The following GATAD2A variants were observed in gnomAD, a reference collection of about 807,000 sequenced individuals.
GATAD2A encodes transcriptional repressor p66-alpha.
Under a neutral mutation model 68.5 loss-of-function variants are expected in GATAD2A, and 12 were observed. That is an observed-to-expected ratio of 0.18 (90% CI 0.11 to 0.28). The LOEUF (loss-of-function observed/expected upper bound fraction) is 0.28. Among genes scored for constraint, GATAD2A ranks in the 10% least tolerant of loss-of-function variants. The probability of loss-of-function intolerance (pLI) is 1.00; values close to 1 mark genes in which losing one functional copy is unlikely to be tolerated. For missense variants in GATAD2A, 755 were observed against 868.5 expected, an observed-to-expected ratio of 0.87 and a Z score of 1.64; for synonymous variants, 410 against 375.3, an observed-to-expected ratio of 1.09 and a Z score of -1.07.
chr19:19,401,068 A>T (rs1423476206), upstream of GATAD2A, among the ~76,000 whole-genome samples: 1 of 145,584 alleles, frequency 6.9e-6, no homozygotes, highest in African/African-American at 2.6e-5. Flanking sequence ...TGACGCCAGA[A>T]GGTGGAGGTT....
intron 2 of GATAD2A, among the ~76,000 whole-genome samples, chr19:19,491,913 C>T (rs1435838876): frequency 3.3e-5 from 5 of 152,226 alleles, no homozygotes; most frequent in African/African-American, 7.2e-5. Flanking sequence ...CATGCTCAAG[C>T]CCCCACAATG....
intron 1 of GATAD2A, among the ~76,000 whole-genome samples, chr19:19,420,265 C>T (rs1248149381): frequency 6.7e-4 from 99 of 146,914 alleles, no homozygotes; most frequent in Non-Finnish European, 1.1e-3. Context: ...TCAGGTGATC[C>T]GCCCGCCTCG....
chr19:19,500,624 G>T (rs1310499733), intron 8 of GATAD2A, among the ~76,000 whole-genome samples: 1 of 152,210 alleles, frequency 6.6e-6, no homozygotes, highest in East Asian at 1.9e-4. Context: ...TGTGCAGTGG[G>T]TGCAGCCCAA....
chr19:19,400,427 A>C (rs1376351477), intron 1 of GATAD2A, among the ~76,000 whole-genome samples: 1 of 152,144 alleles, frequency 6.6e-6, no homozygotes, highest in East Asian at 1.9e-4. Context: ...TTTTTCAGGG[A>C]GCTTTTCAGC....
At chr19:19,394,157 G>A (rs2059323929) in intron 1 of GATAD2A, among the ~76,000 whole-genome samples, 1 of 152,008 alleles carries the variant, frequency 6.6e-6, no homozygotes. Context: ...CAAAGTGCTG[G>A]GATTACAGGT....
intron 1 of GATAD2A, among the ~76,000 whole-genome samples, chr19:19,454,134 A>G (rs2056688942): frequency 6.6e-6 from 1 of 151,746 alleles, no homozygotes; most frequent in African/African-American, 2.4e-5. Flanking sequence ...AGTAGCCGGG[A>G]GTATAGGTAT....
chr19:19,445,335 A>G (rs1261456623), intron 1 of GATAD2A, among the ~76,000 whole-genome samples: 2 of 152,198 alleles, frequency 1.3e-5, no homozygotes, highest in Non-Finnish European at 2.9e-5. Flanking sequence ...TAGTAGCTCT[A>G]GAGGGGTTCA....
chr19:19,469,129 A>G (rs1163752544), intron 2 of GATAD2A, among the ~76,000 whole-genome samples: 1 of 152,150 alleles, frequency 6.6e-6, no homozygotes, highest in Non-Finnish European at 1.5e-5. Context: ...ACTTTAAAAT[A>G]TAGTTTTTTA....
chr19:19,421,313 A>C (rs543990566), intron 1 of GATAD2A, among the ~76,000 whole-genome samples: 66 of 152,282 alleles, frequency 4.3e-4, no homozygotes, highest in Non-Finnish European at 2.4e-4. Flanking sequence ...AGTGAAAGCC[A>C]GTTGAATGGA....
At chr19:19,440,501 G>A in intron 1 of GATAD2A, 1 of 219,674 alleles carries the variant, frequency 4.6e-6, no homozygotes, top group Non-Finnish European at 9.4e-6. Flanking sequence ...CTCGTGGTCT[G>A]CCCACCTTGG....
chr19:19,460,684 T>A (rs2057351297), intron 1 of GATAD2A, among the ~76,000 whole-genome samples: 1 of 152,078 alleles, frequency 6.6e-6, no homozygotes. Context: ...ACTGGTCCAG[T>A]TGCTCAGGCA....
At chr19:19,498,790 T>C in intron 8 of GATAD2A, 68 bp downstream of exon 8, 1 of 1,371,642 alleles carries the variant, frequency 7.3e-7, no homozygotes, top group Non-Finnish European at 1.0e-6. Context: ...CCGTGGGTTC[T>C]TTCCAACACA....
Position 19,498,611 on chromosome 19 carries a change from C to A in GATAD2A, c.1093C>A (p.Pro365Thr). The change falls in exon 8 of 12, where the codon CCA becomes ACA. Residue 365 changes from proline (P) to threonine (T), a missense_variant. Physicochemically the swap from Pro to Thr is conservative, Grantham distance 38. Coordinates refer to ENST00000683918, the MANE Select transcript of GATAD2A (RefSeq NM_001384528.1). ...GGAGAAGACGCTACTCGAGATCCCCCCACCCAAGCCCCCAGCCCCAGAGAT... is the reference window on the plus strand; with the variant it reads ...GGAGAAGACGCTACTCGAGATCCCCACACCCAAGCCCCCAGCCCCAGAGAT... ...QLEKTLLEIP[P>T]PKPPAPEMNF... is the part of the protein sequence containing the mutation. 1.2e-6 allele frequency: 2 copies of A among 1,613,750 alleles called. No individual in the cohort carries two copies. The highest frequency in any genetic ancestry group is 1.7e-6 in the Non-Finnish European group (2 of 1,179,862).
At chr19:19,425,723 C>G (rs2052995330) in intron 1 of GATAD2A, among the ~76,000 whole-genome samples, 2 of 152,094 alleles carry the variant, frequency 1.3e-5, no homozygotes, top group Non-Finnish European at 2.9e-5. Context: ...CCCATGGGCC[C>G]AAGGGATTAT....
At chr19:19,505,207 G>A in intron 11 of GATAD2A, 137 bp from the exon 12 acceptor site, 1 of 706,958 alleles carries the variant, frequency 1.4e-6, no homozygotes, top group South Asian at 1.7e-5. Context: ...TGATTGAGGA[G>A]TAGTGTGGGT....
chr19:19,503,335 T>TG (rs2060666895), intron 11 of GATAD2A, among the ~76,000 whole-genome samples: 1 of 151,348 alleles, frequency 6.6e-6, no homozygotes, highest in Non-Finnish European at 1.5e-5. Context: ...GGCAGAGTGG[T>TG]GGGGGGAGCC....
At chr19:19,486,598 G>T (rs1472894633) in intron 2 of GATAD2A, among the ~76,000 whole-genome samples, 1 of 152,216 alleles carries the variant, frequency 6.6e-6, no homozygotes, top group African/African-American at 2.4e-5. Context: ...CTTCTCCGAG[G>T]TGGGAATGGG....
intron 1 of GATAD2A, among the ~76,000 whole-genome samples, chr19:19,457,602 G>A (rs1433366676): frequency 1.3e-5 from 2 of 152,224 alleles, no homozygotes; most frequent in South Asian, 2.1e-4. Context: ...TTAGCCGGGC[G>A]TGGTGATGGG....
chr19:19,486,131 G>C (rs998217650), intron 2 of GATAD2A, among the ~76,000 whole-genome samples: 2 of 152,196 alleles, frequency 1.3e-5, no homozygotes, highest in Non-Finnish European at 2.9e-5. Flanking sequence ...TCTGCCCTTG[G>C]GGGGTTTGTG....
Sources: allele counts gnomAD v4.1 joint callset (sites outside exome capture counted in the v4.1 genomes callset), GRCh38; gene constraint gnomAD v4.1.1; transcripts MANE v1.5; gene names NCBI Gene and HGNC (gene_info 2026-07-23, HGNC 2026-07-21).